PDE7B: variants seen among roughly 807,000 people sequenced by gnomAD.
The protein encoded by PDE7B is phosphodiesterase 7B.
In PDE7B, 29 loss-of-function variants were observed where a neutral mutation model predicts 56.2. That is an observed-to-expected ratio of 0.52 (90% confidence interval 0.38 to 0.70). The LOEUF is 0.70. PDE7B is among the 30% of genes least tolerant of loss of function. The pLI, the probability that PDE7B is intolerant of heterozygous loss-of-function variation, is 0.00. For synonymous variants in PDE7B, 197 were observed against 196.9 expected (o/e 1.00, Z 0.00); for missense variants, 490 against 565.0 (o/e 0.87, Z 1.35).
chr6:135,979,838 T>A (rs998608830), intron 2 of PDE7B, among the ~76,000 whole-genome samples: 3 of 152,138 alleles, frequency 2.0e-5, no homozygotes, highest in Admixed American at 6.5e-5. Flanking sequence ...GTAGGAAGAA[T>A]CAATATCGTG....
intron 2 of PDE7B, among the ~76,000 whole-genome samples, chr6:136,026,576 A>G (rs1776154637): frequency 6.6e-6 from 1 of 152,222 alleles, no homozygotes; most frequent in Non-Finnish European, 1.5e-5. Flanking sequence ...CTACTGCTTT[A>G]TACAATATCC....
chr6:136,157,186 C>T (rs1208711977), intron 8 of PDE7B, among the ~76,000 whole-genome samples: 2 of 152,186 alleles, frequency 1.3e-5, no homozygotes, highest in Non-Finnish European at 2.9e-5. Context: ...AAGAACTATG[C>T]ATCCTGCCTC....
intron 8 of PDE7B, among the ~76,000 whole-genome samples, chr6:136,172,055 G>A (rs2128449958): frequency 6.6e-6 from 1 of 152,066 alleles, no homozygotes; most frequent in East Asian, 1.9e-4. Context: ...CATTTGGGTT[G>A]GTTCCAAGTC....
chr6:136,122,217 G>T (rs1223623719), intron 3 of PDE7B, among the ~76,000 whole-genome samples: 3 of 151,824 alleles, frequency 2.0e-5, no homozygotes, highest in Non-Finnish European at 2.9e-5. Context: ...GGATGGTCTG[G>T]ATCTCCTGAC....
chr6:136,179,282 A>G, intron 10 of PDE7B, 141 bp downstream of exon 10: 1 of 691,622 alleles, frequency 1.4e-6, no homozygotes, highest in Admixed American at 2.4e-5. Flanking sequence ...TCAAGGCTAC[A>G]GTGAGCTATG....
intron 2 of PDE7B, among the ~76,000 whole-genome samples, chr6:135,990,557 G>A (rs191708678): frequency 2.8e-4 from 42 of 152,166 alleles, no homozygotes; most frequent in African/African-American, 9.7e-5. Context: ...CAACCTGGGC[G>A]GCAGCATCCT....
At chr6:135,855,830 G>T (rs1272692878) in intron 1 of PDE7B, among the ~76,000 whole-genome samples, 2 of 152,138 alleles carry the variant, frequency 1.3e-5, no homozygotes, top group Non-Finnish European at 2.9e-5. Context: ...GAACACTGGC[G>T]CAAGGTGGTG....
At chr6:135,875,823 T>A (rs2128187616) in intron 1 of PDE7B, among the ~76,000 whole-genome samples, 1 of 152,322 alleles carries the variant, frequency 6.6e-6, no homozygotes, top group African/African-American at 2.4e-5. Flanking sequence ...TTGAGGACAA[T>A]ATTCACTTGC....
intron 2 of PDE7B, among the ~76,000 whole-genome samples, chr6:136,005,762 C>G (rs1178500514): frequency 7.4e-4 from 113 of 152,118 alleles, no homozygotes; most frequent in South Asian, 4.6e-3. Context: ...TGGTGGGACT[C>G]TAAACTAGTT....
intron 2 of PDE7B, among the ~76,000 whole-genome samples, chr6:135,961,545 T>A (rs1369100121): frequency 6.6e-6 from 1 of 152,134 alleles, no homozygotes; most frequent in Non-Finnish European, 1.5e-5. Flanking sequence ...TACCATCAGG[T>A]TGATGATGGT....
chr6:135,913,044 C>T (rs543913177), intron 1 of PDE7B, among the ~76,000 whole-genome samples: 10 of 152,288 alleles, frequency 6.6e-5, no homozygotes, highest in African/African-American at 2.2e-4. Context: ...ACTCTAAATC[C>T]CATTCTCTTT....
At chr6:135,936,501 G>A (rs376488758) in intron 1 of PDE7B, among the ~76,000 whole-genome samples, 14 of 152,250 alleles carry the variant, frequency 9.2e-5, no homozygotes, top group South Asian at 6.2e-4. Context: ...ACAAAAAGGC[G>A]CTTGTCCTGG....
At chr6:136,176,474 C>A (rs1209153757) in intron 9 of PDE7B, among the ~76,000 whole-genome samples, 3 of 152,040 alleles carry the variant, frequency 2.0e-5, no homozygotes. Context: ...TATAGCTGTA[C>A]ATTGTACTTC....
At chr6:136,005,046 G>T (rs531490817) in intron 2 of PDE7B, among the ~76,000 whole-genome samples, 4 of 152,108 alleles carry the variant, frequency 2.6e-5, no homozygotes, top group Non-Finnish European at 5.9e-5. Context: ...CAGAAATAAC[G>T]CTGCATATCT....
At chr6:136,096,837 T>C (rs113387384) in intron 2 of PDE7B, among the ~76,000 whole-genome samples, 193 of 152,244 alleles carry the variant, frequency 1.3e-3, no homozygotes, top group African/African-American at 3.4e-3. Flanking sequence ...CCCAATTCCA[T>C]GTGATGCCCA....
At chr6:136,168,268 A>G (rs1303353443) in intron 8 of PDE7B, among the ~76,000 whole-genome samples, 2 of 152,170 alleles carry the variant, frequency 1.3e-5, no homozygotes, top group African/African-American at 4.8e-5. Context: ...AACATTTAGG[A>G]ACAAAGTGAT....
intron 3 of PDE7B, among the ~76,000 whole-genome samples, chr6:136,127,488 C>A (rs1286631483): frequency 6.6e-6 from 1 of 152,122 alleles, no homozygotes; most frequent in Non-Finnish European, 1.5e-5. Context: ...ATGATGGCTT[C>A]TAAGGCTATT....
rs1421341023 is a variant in PDE7B at position 135,961,261 on chromosome 6, GTGTGTGTGTGTGTGTGTGTA to G, written c.82+13757_82+13776del. 4.6e-4 allele frequency among the ~76,000 whole-genome samples: 65 copies of G among 142,030 alleles called. 1 individual carries two copies. Among genetic ancestry groups the G allele is most frequent in the South Asian group, 2.0e-3 (9 of 4,608 alleles). The allele number at this position is 142,030 out of a possible 152,430, so 93.2% of individuals were successfully genotyped here. On this transcript the variant is annotated intron_variant, in intron 2 of 12. Coordinates refer to ENST00000308191, the MANE Select transcript of PDE7B (RefSeq NM_018945.4). ...GTTGGGTCATAGAGTGTATATGTGTGTGTGTGTGTGTGTGTGTGTATGTGTGTGTGTGTGTGTGTGTGTGT... is the reference window on the plus strand; with the variant it reads ...GTTGGGTCATAGAGTGTATATGTGTGTGTGTGTGTGTGTGTGTGTGTGTGT...
chr6:135,996,628 C>T (rs923689182), intron 2 of PDE7B, among the ~76,000 whole-genome samples: 5 of 152,230 alleles, frequency 3.3e-5, no homozygotes, highest in South Asian at 2.1e-4. Context: ...GAGAAGTATC[C>T]GTTTCTCTTT....
Sources: gnomAD v4.1 joint callset for allele counts (sites outside exome capture counted in the v4.1 genomes callset) on GRCh38, gnomAD v4.1.1 for gene constraint, MANE v1.5 for transcripts, NCBI Gene and HGNC (gene_info 2026-07-23, HGNC 2026-07-21) for gene names.